The following NGEF variants were observed in gnomAD, a reference collection of about 807,000 sequenced individuals.
NGEF encodes the protein ephexin-1.
In NGEF, 31 loss-of-function variants were observed where a neutral mutation model predicts 80.9. That is an observed-to-expected ratio of 0.38 (90% CI 0.29 to 0.52). The LOEUF is 0.52. NGEF is among the 20% of genes least tolerant of loss of function. The pLI, the probability that NGEF is intolerant of heterozygous loss-of-function variation, is 0.84. For synonymous variants in NGEF, 371 were observed against 370.2 expected, an observed-to-expected ratio of 1.00 and a Z score of -0.03; for missense variants, 709 against 926.2, an observed-to-expected ratio of 0.77 and a Z score of 3.04.
Position 232,879,420 on chromosome 2 carries a change from G to GGCCC in NGEF, c.*68_*69insGGGC. ...GAGGTGCTGGCCTGTGCTTCCCAGA[G>GGCCC]CCCCCCCCCCCCCACCTTCTGTCGG... On this transcript the variant is annotated 3_prime_UTR_variant, in exon 15 of 15. Coordinates refer to ENST00000264051, the MANE Select transcript of NGEF (RefSeq NM_019850.3). 2 of 1,228,150 alleles carry GGCCC rather than the reference G, an allele frequency of 1.6e-6. No homozygotes were observed. The highest frequency in any genetic ancestry group is 2.5e-5 in the East Asian group (1 of 40,250). The allele number at this position is 1,228,150 out of a possible 1,614,324, so 76.1% of individuals were successfully genotyped here.
intron 3 of NGEF, among the ~76,000 whole-genome samples, chr2:232,937,502 T>C (rs1693351701): frequency 6.6e-6 from 1 of 152,128 alleles, no homozygotes; most frequent in Non-Finnish European, 1.5e-5. Context: ...GAAAGCTGAG[T>C]CACTCCTGAC....
At chr2:232,888,586 CAT>C (rs1422035660) in intron 8 of NGEF, among the ~76,000 whole-genome samples, 2 of 151,940 alleles carry the variant, frequency 1.3e-5, no homozygotes, top group Non-Finnish European at 1.5e-5. Context: ...CACGCACACA[CAT>C]ACACACAGCC....
chr2:232,903,436 GCACACACACACA>G (rs35757997), intron 5 of NGEF, among the ~76,000 whole-genome samples: 1 of 148,716 alleles, frequency 6.7e-6, no homozygotes, highest in Non-Finnish European at 1.5e-5. Flanking sequence ...TGACATGAGG[GCACACACACACA>G]CACACACACA....
rs146688970 is a variant in NGEF at position 232,882,906 on chromosome 2, A to G, written c.1757+405T>C. ...TGCAGGGCAGGGGTCCCAGCTGCTC[A>G]GAGAGGTGAAGAGATGAGCTCAATG... is the stretch of plus-strand genomic sequence containing the variant. On this transcript the variant is annotated intron_variant, in intron 12 of 14. Coordinates refer to ENST00000264051, the MANE Select transcript of NGEF (RefSeq NM_019850.3). Among the ~76,000 whole-genome samples the G allele has an allele frequency of 2.0e-3, 301 of 152,270 alleles. 3 individuals are homozygous for G. Among genetic ancestry groups the G allele is most frequent in the African/African-American group, 6.9e-3 (285 of 41,550 alleles).
intron 3 of NGEF, among the ~76,000 whole-genome samples, chr2:232,939,997 A>T (rs1158919236): frequency 2.5e-5 from 2 of 80,560 alleles, no homozygotes; most frequent in Non-Finnish European, 6.6e-5. Flanking sequence ...ACTCCATCTT[A>T]AAAAAAAAAA....
intron 3 of NGEF, among the ~76,000 whole-genome samples, chr2:232,949,291 G>C (rs1461046869): frequency 6.6e-6 from 1 of 152,158 alleles, no homozygotes; most frequent in Admixed American, 6.5e-5. Context: ...GTAAACATTT[G>C]TCATCTGACT....
intron 3 of NGEF, among the ~76,000 whole-genome samples, chr2:232,959,986 C>T (rs1382411335): frequency 6.6e-6 from 1 of 152,212 alleles, no homozygotes; most frequent in Non-Finnish European, 1.5e-5. Flanking sequence ...GTGTGGCTGT[C>T]CCAGGCTGTC....
Position 232,918,637 on chromosome 2 carries a change from T to G in NGEF, c.828+1647A>C, listed in dbSNP as rs1277998323. Among the ~76,000 whole-genome samples the G allele has an allele frequency of 4.4e-3, 654 of 149,784 alleles. 16 individuals are homozygous for G. Among genetic ancestry groups the G allele is most frequent in the African/African-American group, 0.015 (614 of 40,988 alleles). On this transcript the variant is annotated intron_variant, in intron 5 of 14. Coordinates refer to ENST00000264051, the MANE Select transcript of NGEF (RefSeq NM_019850.3). ...TAGGATTTATTTCTAAGTTTTTTTT[T>G]TTTTTTTTTTTTTTTTAGACGGAGT...
At chr2:232,962,191 C>T (rs1334489703) in intron 3 of NGEF, among the ~76,000 whole-genome samples, 1 of 152,222 alleles carries the variant, frequency 6.6e-6, no homozygotes, top group East Asian at 1.9e-4. Flanking sequence ...GATTGAAGTC[C>T]TTGCCAATGC....
At chr2:232,974,350 G>T (rs1410753125) in intron 2 of NGEF, among the ~76,000 whole-genome samples, 1 of 152,144 alleles carries the variant, frequency 6.6e-6, no homozygotes, top group Admixed American at 6.5e-5. Flanking sequence ...AGCGAGGGGT[G>T]TTTTGCTGAG....
At chr2:232,994,934 A>G (rs1270956725) in intron 1 of NGEF, among the ~76,000 whole-genome samples, 1 of 84,912 alleles carries the variant, frequency 1.2e-5, no homozygotes, top group Non-Finnish European at 2.2e-5. Flanking sequence ...ATACATGGAT[A>G]TATACACACA....
chr2:233,010,966 G>T (rs369857557), intron 1 of NGEF, among the ~76,000 whole-genome samples: 7 of 152,150 alleles, frequency 4.6e-5, no homozygotes, highest in East Asian at 1.9e-4. Context: ...AGCAGAGGGG[G>T]CTTAGGTGCG....
intron 1 of NGEF, among the ~76,000 whole-genome samples, chr2:233,003,567 AGC>A (rs1695025794): frequency 6.6e-6 from 1 of 152,114 alleles, no homozygotes; most frequent in African/African-American, 2.4e-5. Flanking sequence ...TGGCCTGAGA[AGC>A]CACTCCACAC....
intron 5 of NGEF, chr2:232,901,253 C>T: frequency 2.0e-6 from 1 of 509,444 alleles, no homozygotes; most frequent in Non-Finnish European, 2.5e-6. Flanking sequence ...GCCGGGACTA[C>T]AGTGTCTGTC....
chr2:232,949,043 C>A (rs1559220431), intron 3 of NGEF, among the ~76,000 whole-genome samples: 1 of 151,446 alleles, frequency 6.6e-6, no homozygotes. Flanking sequence ...AAAAAACAAA[C>A]AAAAAAAACC....
intron 1 of NGEF, among the ~76,000 whole-genome samples, chr2:232,992,857 C>T (rs1212484239): frequency 1.3e-5 from 2 of 150,880 alleles, no homozygotes; most frequent in Non-Finnish European, 2.9e-5. Flanking sequence ...TGTGGTGGCA[C>T]ACACCTGTAG....
chr2:232,966,836 T>C (rs974680234), intron 3 of NGEF, among the ~76,000 whole-genome samples: 1 of 152,030 alleles, frequency 6.6e-6, no homozygotes, highest in Non-Finnish European at 1.5e-5. Flanking sequence ...CTCACTTCTG[T>C]TGATACCCTC....
intron 3 of NGEF, among the ~76,000 whole-genome samples, chr2:232,962,436 C>A (rs1559226057): frequency 6.6e-6 from 1 of 151,854 alleles, no homozygotes. Context: ...GTAATCCCAG[C>A]TACTTGGGAA....
intron 11 of NGEF, 36 bp downstream of exon 11, chr2:232,883,945 C>A: frequency 6.4e-7 from 1 of 1,573,798 alleles, no homozygotes; most frequent in Non-Finnish European, 8.6e-7. Flanking sequence ...ACTCCTCTAC[C>A]CACCGGAGCG....
Sources: gnomAD v4.1 joint callset for allele counts (sites outside exome capture counted in the v4.1 genomes callset) on GRCh38, gnomAD v4.1.1 for gene constraint, MANE v1.5 for transcripts, NCBI Gene and HGNC (gene_info 2026-07-23, HGNC 2026-07-21) for gene names.